CTNNA3: variants seen among roughly 807,000 people sequenced by gnomAD.
CTNNA3 encodes the protein catenin alpha-3.
CTNNA3 carries 76 observed loss-of-function variants against 95.7 expected under a neutral mutation model. That is an observed-to-expected ratio of 0.79 (90% CI 0.66 to 0.96). The LOEUF is 0.96. Among genes scored for constraint, CTNNA3 ranks in the 40% least tolerant of loss-of-function variants. The pLI is 0.00. For synonymous variants in CTNNA3, 431 were observed against 374.4 expected (o/e 1.15, Z -1.74); for missense variants, 1,191 against 1,089.8 (o/e 1.09, Z -1.31).
chr10:67,729,692 G>A (rs944759622), intron 1 of CTNNA3, among the ~76,000 whole-genome samples: 1 of 151,978 alleles, frequency 6.6e-6, no homozygotes, highest in Non-Finnish European at 1.5e-5. Context: ...TTGAAGCAAA[G>A]ATAAAAGTTT....
intron 1 of CTNNA3, among the ~76,000 whole-genome samples, chr10:67,708,468 C>T (rs534222153): frequency 6.6e-5 from 10 of 152,178 alleles, no homozygotes; most frequent in Admixed American, 4.6e-4. Context: ...TTCAGAGACA[C>T]GGAACACCTA....
chr10:66,748,467 G>T (rs1350839554), intron 9 of CTNNA3, among the ~76,000 whole-genome samples: 1 of 152,098 alleles, frequency 6.6e-6, no homozygotes, highest in African/African-American at 2.4e-5. Context: ...ATGTACTGCA[G>T]CTCCTATATA....
chr10:66,911,979 T>C (rs1846242175), intron 7 of CTNNA3, among the ~76,000 whole-genome samples: 2 of 152,148 alleles, frequency 1.3e-5, no homozygotes, highest in South Asian at 4.1e-4. Flanking sequence ...GATTGAAAAT[T>C]GAATACACTA....
chr10:66,841,222 T>C (rs929482024), intron 7 of CTNNA3, among the ~76,000 whole-genome samples: 1 of 152,164 alleles, frequency 6.6e-6, no homozygotes, highest in African/African-American at 2.4e-5. Flanking sequence ...GCTTTAGAAG[T>C]GTCTATTTAC....
intron 7 of CTNNA3, among the ~76,000 whole-genome samples, chr10:66,783,824 C>A (rs2132854269): frequency 6.6e-6 from 1 of 152,270 alleles, no homozygotes; most frequent in Middle Eastern, 3.4e-3. Context: ...AACCACTGAT[C>A]TTGTAAAAAT....
At chr10:67,121,527 T>C (rs1859461243) in intron 7 of CTNNA3, among the ~76,000 whole-genome samples, 1 of 152,060 alleles carries the variant, frequency 6.6e-6, no homozygotes, top group African/African-American at 2.4e-5. Flanking sequence ...TTCATTCCTC[T>C]AAGATAATGG....
chr10:67,421,220 T>C (rs1378031955), intron 5 of CTNNA3, among the ~76,000 whole-genome samples: 3 of 152,154 alleles, frequency 2.0e-5, no homozygotes, highest in Non-Finnish European at 4.4e-5. Context: ...ACTAAAGAAT[T>C]TGAAATATGT....
chr10:66,170,228 TC>T (rs1248128346), intron 13 of CTNNA3, among the ~76,000 whole-genome samples: 12 of 143,942 alleles, frequency 8.3e-5, no homozygotes, highest in African/African-American at 3.2e-4. Context: ...AGTTGCATTC[TC>T]CTCCTCATTG....
intron 9 of CTNNA3, among the ~76,000 whole-genome samples, chr10:66,683,932 A>G (rs1847156476): frequency 6.6e-6 from 1 of 152,146 alleles, no homozygotes; most frequent in African/African-American, 2.4e-5. Flanking sequence ...AAAGGCATCA[A>G]TGCTTTGCGA....
chr10:66,932,749 A>G (rs768291626), intron 7 of CTNNA3, among the ~76,000 whole-genome samples: 7 of 152,214 alleles, frequency 4.6e-5, no homozygotes, highest in African/African-American at 7.2e-5. Context: ...CCTAATCATA[A>G]TAGCCTACAG....
At chr10:67,605,261 T>C (rs1589479181) in intron 3 of CTNNA3, among the ~76,000 whole-genome samples, 3 of 152,308 alleles carry the variant, frequency 2.0e-5, no homozygotes, top group Non-Finnish European at 4.4e-5. Context: ...TGGAATAAGC[T>C]AGACATAGAA....
chr10:67,444,192 G>A (rs1846651607), intron 5 of CTNNA3, among the ~76,000 whole-genome samples: 1 of 152,044 alleles, frequency 6.6e-6, no homozygotes, highest in Non-Finnish European at 1.5e-5. Context: ...TAATATCAAG[G>A]ATCTCTTCTG....
chr10:67,647,626 T>C, intron 1 of CTNNA3, 108 bp from the exon 2 acceptor site: 1 of 790,748 alleles, frequency 1.3e-6, no homozygotes, highest in South Asian at 1.7e-5. Flanking sequence ...CACCTCTTCC[T>C]GATATCAACC....
In CTNNA3 at chr10:66,842,107, T is replaced by C. The variant is rs1488654703; in HGVS notation, c.1048-66583A>G. Among the ~76,000 whole-genome samples, 5 of 151,982 alleles carry C rather than the reference T, an allele frequency of 3.3e-5. No individual in the cohort carries two copies. The East Asian group carries it at 9.7e-4, about 29-fold the overall frequency. ...CCAAACCTGGCTAAATTCGTTTTTC[T>C]TTTTTTCTTTTTTTTTGGAGAGATG... On this transcript the variant is annotated intron_variant, in intron 7 of 17. Coordinates refer to ENST00000433211, the MANE Select transcript of CTNNA3 (RefSeq NM_013266.4).
chr10:66,445,565 GA>G (rs1407383801), intron 11 of CTNNA3, among the ~76,000 whole-genome samples: 3 of 152,134 alleles, frequency 2.0e-5, no homozygotes, highest in Non-Finnish European at 2.9e-5. Flanking sequence ...ACTTGCTCCT[GA>G]ATGACTACTG....
chr10:66,248,571 CA>C (rs1246392527), intron 13 of CTNNA3, among the ~76,000 whole-genome samples: 2 of 150,560 alleles, frequency 1.3e-5, no homozygotes, highest in Admixed American at 1.3e-4. Flanking sequence ...CAATGGAAAC[CA>C]AAAAAAAGAG....
intron 7 of CTNNA3, among the ~76,000 whole-genome samples, chr10:66,891,305 T>C (rs898984830): frequency 6.6e-6 from 1 of 152,154 alleles, no homozygotes; most frequent in African/African-American, 2.4e-5. Context: ...GAAATGCAGG[T>C]TAGGCATTTC....
intron 7 of CTNNA3, among the ~76,000 whole-genome samples, chr10:67,051,471 T>C (rs887168358): frequency 1.3e-5 from 2 of 151,716 alleles, no homozygotes; most frequent in African/African-American, 4.8e-5. Flanking sequence ...TTCTTTTTTT[T>C]TTTTTGGTGA....
intron 5 of CTNNA3, among the ~76,000 whole-genome samples, chr10:67,475,404 C>T (rs1364424375): frequency 6.6e-6 from 1 of 152,082 alleles, no homozygotes; most frequent in African/African-American, 2.4e-5. Context: ...GTTAATTTTG[C>T]TGTATGCAAA....
Sources: gnomAD v4.1 joint callset for allele counts (sites outside exome capture counted in the v4.1 genomes callset) on GRCh38, gnomAD v4.1.1 for gene constraint, MANE v1.5 for transcripts, NCBI Gene and HGNC (gene_info 2026-07-23, HGNC 2026-07-21) for gene names.